Variants in ACYP2 observed in about 807,000 individuals in gnomAD.
ACYP2 encodes the protein acylphosphatase-2.
In ACYP2, 12 loss-of-function variants were observed where a neutral mutation model predicts 11.2. The ratio of observed to expected loss-of-function variants is 1.08; its 90% CI spans 0.69 to 1.74. ACYP2 has a LOEUF of 1.74. ACYP2 is among the 40% of genes most tolerant of loss of function. ACYP2 has a pLI of 0.00. For synonymous variants in ACYP2, 43 were observed against 32.2 expected (o/e 1.33, Z -1.13); for missense variants, 134 against 101.9 (o/e 1.31, Z -1.35).
At chr2:54,100,220 T>C (rs1356761685) in intron 4 of ACYP2, among the ~76,000 whole-genome samples, 1 of 152,232 alleles carries the variant, frequency 6.6e-6, no homozygotes, top group Non-Finnish European at 1.5e-5. Context: ...AACTACTCTT[T>C]TCTTTCCACT....
chr2:54,142,299 T>C (rs1276907793), intron 6 of ACYP2: 1 of 171,710 alleles, frequency 5.8e-6, no homozygotes, highest in East Asian at 1.4e-4. Context: ...AATGGACCAA[T>C]ATGGATACAT....
chr2:54,205,451 T>C (rs1004060523), intron 6 of ACYP2, among the ~76,000 whole-genome samples: 2 of 152,210 alleles, frequency 1.3e-5, no homozygotes, highest in South Asian at 2.1e-4. Flanking sequence ...TATCCTCTTA[T>C]GACATCAGTA....
intron 6 of ACYP2, among the ~76,000 whole-genome samples, chr2:54,188,020 A>G (rs1684081889): frequency 6.6e-6 from 1 of 152,178 alleles, no homozygotes; most frequent in Non-Finnish European, 1.5e-5. Context: ...AAGCAGAGAG[A>G]CCGGGCACAA....
intron 6 of ACYP2, among the ~76,000 whole-genome samples, chr2:54,222,549 CAAA>C (rs10607204): frequency 1.9e-4 from 20 of 106,458 alleles, no homozygotes; most frequent in African/African-American, 2.8e-4. Flanking sequence ...GACTCTGTCT[CAAA>C]AAAAAAAAAA....
intron 2 of ACYP2, among the ~76,000 whole-genome samples, chr2:53,991,580 T>C (rs1289589880): frequency 6.6e-6 from 1 of 151,898 alleles, no homozygotes; most frequent in African/African-American, 2.4e-5. Flanking sequence ...TAATTTTGTA[T>C]TTTTAGTAGA....
intron 4 of ACYP2, among the ~76,000 whole-genome samples, chr2:54,121,355 C>G (rs564760052): frequency 6.6e-6 from 1 of 152,050 alleles, no homozygotes; most frequent in African/African-American, 2.4e-5. Context: ...TAAAAGGCAT[C>G]GAGGAAGTTC....
In ACYP2 at chr2:54,002,461, T is replaced by C. The variant is rs533168903; in HGVS notation, c.62+28651T>C. On this transcript the variant is annotated intron_variant, in intron 2 of 6. Coordinates refer to ENST00000607452, the MANE Select transcript of ACYP2 (RefSeq NM_001320586.2). The stretch of plus-strand genomic sequence containing the variant: ...CTTGGGTTTAAATAATTCTCCTGCC[T>C]CAGCCTCCCTAGTAGCTGGGATTAT... 2.6e-5 allele frequency among the ~76,000 whole-genome samples: 4 copies of C among 151,778 alleles called. 1 individual carries two copies. In the South Asian group the frequency reaches 8.3e-4, roughly 32 times the overall value.
chr2:54,193,444 G>C (rs1401751904), intron 6 of ACYP2, among the ~76,000 whole-genome samples: 1 of 152,150 alleles, frequency 6.6e-6, no homozygotes, highest in Non-Finnish European at 1.5e-5. Context: ...TGGTAGTGCT[G>C]GGATGAGCTC....
chr2:54,038,237 A>G (rs1330454483), intron 2 of ACYP2, among the ~76,000 whole-genome samples: 2 of 152,132 alleles, frequency 1.3e-5, no homozygotes, highest in Non-Finnish European at 2.9e-5. Context: ...GGCCTGGTAG[A>G]CACCTCCTCA....
chr2:54,143,058 T>G (rs1448485949), intron 6 of ACYP2: 1 of 152,228 alleles, frequency 6.6e-6, no homozygotes, highest in African/African-American at 2.4e-5. Context: ...CTATCAGTTT[T>G]TTAAAAAACT....
chr2:54,226,075 T>A (rs918557572), intron 6 of ACYP2, among the ~76,000 whole-genome samples: 1 of 152,170 alleles, frequency 6.6e-6, no homozygotes, highest in East Asian at 1.9e-4. Context: ...TGTGAGAAAA[T>A]GAAGTCTTGT....
At chr2:54,197,031 A>T (rs753218614) in intron 6 of ACYP2, among the ~76,000 whole-genome samples, 1 of 152,188 alleles carries the variant, frequency 6.6e-6, no homozygotes, top group Non-Finnish European at 1.5e-5. Context: ...AGGAGAAGGT[A>T]CTAACAAGAT....
intron 6 of ACYP2, among the ~76,000 whole-genome samples, chr2:54,270,406 CTTTTTG>C (rs1399945014): frequency 6.6e-6 from 1 of 152,000 alleles, no homozygotes. Context: ...ATTTAAATTA[CTTTTTG>C]TTTTTGTGTT....
At chr2:54,142,011 G>A (rs542778170) in intron 6 of ACYP2, 1,350 of 422,122 alleles carry the variant, frequency 3.2e-3, no homozygotes, top group Non-Finnish European at 4.3e-3. Flanking sequence ...GTGTGTGTGT[G>A]TATATTTTGT....
intron 6 of ACYP2, among the ~76,000 whole-genome samples, chr2:54,141,181 T>C (rs1343542700): frequency 1.3e-5 from 2 of 152,368 alleles, no homozygotes; most frequent in East Asian, 3.9e-4. Context: ...TCTTTGTATA[T>C]TGGTTATGGT....
intron 1 of ACYP2, among the ~76,000 whole-genome samples, chr2:53,972,948 C>G (rs191158663): frequency 5.3e-5 from 8 of 151,528 alleles, no homozygotes; most frequent in Admixed American, 4.6e-4. Context: ...TGTAGATGGA[C>G]GACAGGAGGG....
At chr2:54,294,178 AG>A (rs1352010838) in intron 6 of ACYP2, among the ~76,000 whole-genome samples, 1 of 152,214 alleles carries the variant, frequency 6.6e-6, no homozygotes, top group Admixed American at 6.5e-5. Context: ...TGATAGTGTT[AG>A]CTTTCTAGTG....
chr2:54,276,164 A>C (rs1254818114), intron 6 of ACYP2, among the ~76,000 whole-genome samples: 2 of 149,482 alleles, frequency 1.3e-5, no homozygotes, highest in Non-Finnish European at 3.0e-5. Flanking sequence ...TTTTATCCCA[A>C]AATACAACTT....
chr2:54,035,084 AT>A (rs1177276052), intron 2 of ACYP2, among the ~76,000 whole-genome samples: 1 of 149,012 alleles, frequency 6.7e-6, no homozygotes, highest in African/African-American at 2.5e-5. Context: ...ACACACTGAC[AT>A]TTAAGAGCCC....
Sources: allele counts gnomAD v4.1 joint callset (sites outside exome capture counted in the v4.1 genomes callset), GRCh38; gene constraint gnomAD v4.1.1; transcripts MANE v1.5; gene names NCBI Gene and HGNC (gene_info 2026-07-23, HGNC 2026-07-21).